MRC2: variants seen among roughly 807,000 people sequenced by gnomAD.
MRC2 encodes the protein mannose receptor C-type 2.
In MRC2, 84 loss-of-function variants were observed where a neutral mutation model predicts 206.2. The observed-to-expected ratio is 0.41, with a 90% CI of 0.34 to 0.49. MRC2 has a LOEUF of 0.49. Among genes scored for constraint, MRC2 ranks in the 20% least tolerant of loss-of-function variants. MRC2 has a pLI of 0.31. For missense variants in MRC2, 1,676 were observed against 2,001.5 expected, an observed-to-expected ratio of 0.84 and a Z score of 3.10; for synonymous variants, 798 against 800.0, an observed-to-expected ratio of 1.00 and a Z score of 0.04.
In MRC2 at chr17:62,680,493, G is replaced by A. The variant is rs1180274130; in HGVS notation, c.2473+40G>A. On this transcript the variant is annotated intron_variant, in intron 16 of 29. Coordinates refer to ENST00000303375, the MANE Select transcript of MRC2 (RefSeq NM_006039.5). This position sits in a 1 kb window ranked among gnomAD's most constrained non-coding sequence, Gnocchi z 4.8. The stretch of plus-strand genomic sequence containing the variant: ...GCCCATCCCGCTACCCATCGCGTGG[G>A]AGAGGGCGTCAACTCTGGGGTAAGT... 6.2e-7 allele frequency: 1 copy of A among 1,612,962 alleles called. No homozygotes were observed.
intron 1 of MRC2, among the ~76,000 whole-genome samples, chr17:62,632,612 C>G (rs576280085): frequency 6.6e-6 from 1 of 152,280 alleles, no homozygotes; most frequent in South Asian, 2.1e-4. Flanking sequence ...GTGTGCCTCC[C>G]CTCCCCTCTT....
chr17:62,642,088 G>A (rs1220383819), intron 1 of MRC2, among the ~76,000 whole-genome samples: 1 of 152,122 alleles, frequency 6.6e-6, no homozygotes, highest in Non-Finnish European at 1.5e-5. Context: ...TATGCAGTCC[G>A]TGTTAGGATT....
intron 1 of MRC2, among the ~76,000 whole-genome samples, chr17:62,649,170 C>T (rs2147446672): frequency 6.6e-6 from 1 of 152,370 alleles, no homozygotes; most frequent in South Asian, 2.1e-4. Context: ...ATGGTGCCTC[C>T]TGGAGGTGGG....
At position 62,664,891 on chromosome 17, in the gene MRC2, C is replaced by A; in HGVS notation, c.462C>A (p.Arg154=). 1.2e-6 allele frequency: 2 copies of A among 1,613,364 alleles called. No individual in the cohort carries two copies. Among genetic ancestry groups the A allele is most frequent in the South Asian group, 1.1e-5 (1 of 91,078 alleles). Residue 154 remains arginine (R), a synonymous_variant, in exon 2 of 30, where the codon CGC becomes CGA. Transcript: ENST00000303375. This position sits in a 1 kb window ranked among gnomAD's most constrained non-coding sequence, Gnocchi z 4.7. ...PGTLERGDQT[R]SGQWRIYGSE... ...CCCTTGAGCGTGGTGACCAGACCCGCAGTGGCCAGTGGCGCATCTACGGCA... is the reference window on the plus strand; with the variant it reads ...CCCTTGAGCGTGGTGACCAGACCCGAAGTGGCCAGTGGCGCATCTACGGCA...
intron 1 of MRC2, among the ~76,000 whole-genome samples, chr17:62,645,494 A>G (rs2088464788): frequency 6.1e-5 from 3 of 49,140 alleles, no homozygotes; most frequent in African/African-American, 7.2e-5. Flanking sequence ...GTGTGTGTAT[A>G]TATTATATAT....
chr17:62,631,100 C>T (rs893144689), intron 1 of MRC2, among the ~76,000 whole-genome samples: 2 of 152,126 alleles, frequency 1.3e-5, no homozygotes, highest in African/African-American at 2.4e-5. Context: ...TTCTGATGCA[C>T]GTAGGGCACC....
chr17:62,671,959 C>T lies in MRC2; in HGVS notation c.1307-39C>T. On this transcript the variant is annotated intron_variant, in intron 7 of 29. Transcript: ENST00000303375. This position sits in a 1 kb window ranked among gnomAD's most constrained non-coding sequence, Gnocchi z 4.5. ...CTACTGGTGGCTGAGGCTGACCTCT[C>T]AATGTTTTCTCTCCCCTCCTCTCCT... 6.2e-7 allele frequency: 1 copy of T among 1,613,788 alleles called. No individual in the cohort carries two copies. Among genetic ancestry groups the T allele is most frequent in the Non-Finnish European group, 8.5e-7 (1 of 1,179,760 alleles).
At chr17:62,681,258 T>C in intron 18 of MRC2, 129 bp downstream of exon 18, 1 of 1,098,152 alleles carries the variant, frequency 9.1e-7, no homozygotes, top group Non-Finnish European at 1.3e-6. Context: ...AGCAAGATAC[T>C]TAACCTTTCT....
At chr17:62,678,678 G>C in intron 13 of MRC2, 32 bp downstream of exon 13, 1 of 1,596,618 alleles carries the variant, frequency 6.3e-7, no homozygotes, top group Non-Finnish European at 8.5e-7. Context: ...TGTTAGGAGG[G>C]CACCCGCACA....
At chr17:62,674,707 G>C (rs944067012) in intron 9 of MRC2, among the ~76,000 whole-genome samples, 9 of 151,938 alleles carry the variant, frequency 5.9e-5, no homozygotes, top group Admixed American at 4.6e-4. Flanking sequence ...GTTGAGGGGG[G>C]GGGTGTCAAG....
chr17:62,628,142 C>A (rs1432480261), intron 1 of MRC2, among the ~76,000 whole-genome samples: 1 of 151,998 alleles, frequency 6.6e-6, no homozygotes, highest in Non-Finnish European at 1.5e-5. Context: ...CTGAGTGGAA[C>A]CAGATGTGGC....
In MRC2 at chr17:62,671,025, G is replaced by C. The variant is rs1026145541; in HGVS notation, c.1118-624G>C. 6.6e-6 allele frequency among the ~76,000 whole-genome samples: 1 copy of C among 152,228 alleles called. No homozygotes were observed. The highest frequency in any genetic ancestry group is 1.5e-5 in the Non-Finnish European group (1 of 68,040). On this transcript the variant is annotated intron_variant, in intron 6 of 29. Transcript: ENST00000303375. The surrounding 1 kb of genome is among the most constrained non-coding windows in gnomAD (Gnocchi z 4.5). ...CCCCATTTACAGAGGGAGAAACTGAGGTTCATGGGGCTGGTTTGTCCTTTC... is the reference window on the plus strand; with the variant it reads ...CCCCATTTACAGAGGGAGAAACTGACGTTCATGGGGCTGGTTTGTCCTTTC...
chr17:62,692,388 C>T lies in MRC2; in HGVS notation c.4377C>T (p.Pro1459=), dbSNP rs1239344459. 2.5e-6 allele frequency: 4 copies of T among 1,574,962 alleles called. No homozygotes were observed. In the East Asian group the frequency reaches 9.3e-5, roughly 36 times the overall value. ...GARYSRSSSS[P]TEATEKNILV... ...GCTACAGCCGCAGCAGCTCCAGCCCCACCGAGGCCACTGAGAAGAACATCC... is the reference window on the plus strand; with the variant it reads ...GCTACAGCCGCAGCAGCTCCAGCCCTACCGAGGCCACTGAGAAGAACATCC... Residue 1459 remains proline (P), a synonymous_variant, in exon 30 of 30, where the codon CCC becomes CCT. Coordinates refer to ENST00000303375, the MANE Select transcript of MRC2 (RefSeq NM_006039.5). This position sits in a 1 kb window ranked among gnomAD's most constrained non-coding sequence, Gnocchi z 4.2.
chr17:62,672,207 G>A lies in MRC2; in HGVS notation c.1461+55G>A, dbSNP rs2088835018. The A allele has an allele frequency of 6.2e-7, 1 of 1,603,164 alleles. No homozygotes were observed. The highest frequency in any genetic ancestry group is 8.5e-7 in the Non-Finnish European group (1 of 1,171,668). On this transcript the variant is annotated intron_variant, in intron 8 of 29. Transcript: ENST00000303375. This position sits in a 1 kb window ranked among gnomAD's most constrained non-coding sequence, Gnocchi z 4.5. ...CACAAAATACACCCCCAACCTCCAG[G>A]TGCCACCCCAGCTGAAGGACATCCT... is the stretch of plus-strand genomic sequence containing the variant.
rs530001972 is a variant in MRC2, at chr17:62,675,660, A to C, written c.1570-130A>C. On this transcript the variant is annotated intron_variant, in intron 9 of 29. Coordinates refer to ENST00000303375, the MANE Select transcript of MRC2 (RefSeq NM_006039.5). The surrounding 1 kb of genome is among the most constrained non-coding windows in gnomAD (Gnocchi z 4.1). The stretch of plus-strand genomic sequence containing the variant: ...AGGTGCAGAACACAGCCCAGTACTC[A>C]AACCAGTCCCCTCCGTCCTGAGCAC... The C allele has an allele frequency of 1.4e-6, 1 of 724,934 alleles. No homozygotes were observed. Among genetic ancestry groups the C allele is most frequent in the Admixed American group, 2.0e-5 (1 of 50,542 alleles). 44.9% of individuals were successfully genotyped at this position (724,934 alleles called of 1,614,324 possible). A position where few individuals can be genotyped will look rare whatever the true frequency, so the allele number is the denominator to read the frequency against.
At chr17:62,633,519 A>G (rs1178442320) in intron 1 of MRC2, among the ~76,000 whole-genome samples, 1 of 151,062 alleles carries the variant, frequency 6.6e-6, no homozygotes, top group Admixed American at 6.6e-5. Context: ...AAAAAAAAAA[A>G]AAAGAGAAAA....
At chr17:62,632,202 G>A (rs1446424529) in intron 1 of MRC2, among the ~76,000 whole-genome samples, 1 of 152,064 alleles carries the variant, frequency 6.6e-6, no homozygotes, top group Non-Finnish European at 1.5e-5. Context: ...CTGTGACACC[G>A]GGGTCTGCCG....
Position 62,689,625 on chromosome 17 carries a change from G to A in MRC2, c.3438G>A (p.Trp1146Ter). 6.2e-7 allele frequency: 1 copy of A among 1,602,538 alleles called. No individual in the cohort carries two copies. The highest frequency in any genetic ancestry group is 8.5e-7 in the Non-Finnish European group (1 of 1,174,976). The change falls in exon 24 of 30, where the codon TGG becomes TGA. Residue 1146 changes from tryptophan to a stop codon, truncating the protein, a stop_gained. Coordinates refer to ENST00000303375, the MANE Select transcript of MRC2 (RefSeq NM_006039.5). LOFTEE classifies it high-confidence loss of function. ...GGCTGCTTCAGAAGCCGCTGCGCTG[G>A]CACGATGCCCTCCTGCTGTGTGAGA... ...TFRLLQKPLR[W>*]HDALLLCESR...
intron 1 of MRC2, among the ~76,000 whole-genome samples, chr17:62,641,335 GAAGAA>G (rs1051397745): frequency 6.0e-5 from 9 of 149,230 alleles, no homozygotes; most frequent in African/African-American, 1.5e-4. Context: ...AAAAAAAAGA[GAAGAA>G]AAGAAAAGAA....
Sources: gnomAD v4.1 joint callset for allele counts (sites outside exome capture counted in the v4.1 genomes callset) on GRCh38, gnomAD v4.1.1 for gene constraint, Gnocchi (gnomAD v3.1) non-coding constraint, MANE v1.5 for transcripts, NCBI Gene and HGNC (gene_info 2026-07-23, HGNC 2026-07-21) for gene names.